INTS9: variants seen among roughly 807,000 people sequenced by gnomAD.
INTS9 encodes the protein integrator complex subunit 9.
A neutral mutation model predicts 79.7 loss-of-function variants in INTS9; 55 were observed. The ratio of observed to expected loss-of-function variants is 0.69; its 90% CI spans 0.56 to 0.86. The LOEUF is 0.86. INTS9 is among the 40% of genes least tolerant of loss of function. The pLI, the probability that INTS9 is intolerant of heterozygous loss-of-function variation, is 0.00. For synonymous variants in INTS9, 319 were observed against 325.2 expected, an observed-to-expected ratio of 0.98 and a Z score of 0.20; for missense variants, 721 against 831.5, an observed-to-expected ratio of 0.87 and a Z score of 1.64.
chr8:28,829,464 T>G (rs1324587188), intron 6 of INTS9, among the ~76,000 whole-genome samples: 1 of 151,560 alleles, frequency 6.6e-6, no homozygotes, highest in African/African-American at 2.4e-5. Context: ...GGAGTAATAG[T>G]TTTTTTTTGG....
intron 12 of INTS9, among the ~76,000 whole-genome samples, chr8:28,778,428 C>G (rs1239791586): frequency 1.3e-5 from 2 of 152,198 alleles, no homozygotes; most frequent in Non-Finnish European, 2.9e-5. Flanking sequence ...ACTGACTTCA[C>G]AGTGGAGAGG....
chr8:28,829,995 T>C (rs1034401720), intron 6 of INTS9, among the ~76,000 whole-genome samples: 7 of 151,788 alleles, frequency 4.6e-5, no homozygotes, highest in East Asian at 1.9e-4. Flanking sequence ...CCTGTAGGCA[T>C]TGTAGACCTG....
chr8:28,827,962 G>C (rs1995898), intron 6 of INTS9, among the ~76,000 whole-genome samples: 132,854 of 152,114 alleles, frequency 0.87, 58,072 homozygotes, highest in East Asian at 0.93. Context: ...GGAGTCTGGT[G>C]AGCATGAATC....
At position 28,850,206 on chromosome 8, in the gene INTS9, A is replaced by G; in HGVS notation, c.198+7T>C. On this transcript the variant is annotated splice_region_variant and intron_variant, in intron 3 of 16. Transcript: ENST00000521022. The stretch of plus-strand genomic sequence containing the variant: ...GATAGGCTTTAGTTTGTAGTCTTAG[A>G]TATTACCTTGTCCAAGAAAGCATTT... The G allele has an allele frequency of 6.2e-7, 1 of 1,611,832 alleles. No homozygotes were observed. The highest frequency in any genetic ancestry group is 8.5e-7 in the Non-Finnish European group (1 of 1,178,000).
At chr8:28,831,698 G>T (rs1173871513) in intron 6 of INTS9, among the ~76,000 whole-genome samples, 1 of 152,026 alleles carries the variant, frequency 6.6e-6, no homozygotes, top group Non-Finnish European at 1.5e-5. Flanking sequence ...TGGGAGTCAG[G>T]AAATATTGCC....
At chr8:28,803,713 C>T (rs1162020073) in intron 8 of INTS9, among the ~76,000 whole-genome samples, 1 of 152,048 alleles carries the variant, frequency 6.6e-6, no homozygotes, top group Non-Finnish European at 1.5e-5. Flanking sequence ...AAGCAGGCTG[C>T]AAATAGCTCT....
chr8:28,772,382 C>T (rs549410941), intron 14 of INTS9, among the ~76,000 whole-genome samples: 1 of 152,254 alleles, frequency 6.6e-6, no homozygotes, highest in Non-Finnish European at 1.5e-5. Flanking sequence ...GGATTGGTGG[C>T]ATGTGCCTAT....
At chr8:28,768,661 G>C (rs956015365) in intron 16 of INTS9, among the ~76,000 whole-genome samples, 1 of 152,224 alleles carries the variant, frequency 6.6e-6, no homozygotes, top group South Asian at 2.1e-4. Flanking sequence ...AGTTTCAGCT[G>C]TCTGAGCTCC....
intron 1 of INTS9, chr8:28,862,303 A>G (rs1425564700): frequency 1.2e-6 from 1 of 868,388 alleles, no homozygotes; most frequent in East Asian, 1.2e-4. Flanking sequence ...ATCTTTTTTC[A>G]TATTTGTAAA....
chr8:28,864,953 T>C (rs1419714965), intron 1 of INTS9, among the ~76,000 whole-genome samples: 7 of 135,072 alleles, frequency 5.2e-5, no homozygotes, highest in Admixed American at 8.3e-5. Context: ...ACCACTGCAC[T>C]CCCTCCTCAG....
rs188327686 is a variant in INTS9 at position 28,824,223 on chromosome 8, C to T, written c.489-10611G>A. ...TCATCCTTGCCTACAGGCTGGCCTT[C>T]CCTCCCAGAAGGGCCTCAACAATAC... On this transcript the variant is annotated intron_variant, in intron 6 of 16. Coordinates refer to ENST00000521022, the MANE Select transcript of INTS9 (RefSeq NM_018250.4). Among the ~76,000 whole-genome samples the T allele has an allele frequency of 3.3e-5, 5 of 152,312 alleles. No homozygotes were observed. In the East Asian group the frequency reaches 9.6e-4, roughly 29 times the overall value.
intron 1 of INTS9, among the ~76,000 whole-genome samples, chr8:28,868,278 T>G (rs948947332): frequency 1.3e-5 from 2 of 152,226 alleles, no homozygotes; most frequent in African/African-American, 4.8e-5. Flanking sequence ...AATTTTCTTT[T>G]GTTGGTTTTC....
rs546497673 is a variant in INTS9, at chr8:28,874,434, C to A, written c.10-14871G>T. Among the ~76,000 whole-genome samples the A allele has an allele frequency of 1.4e-4, 22 of 152,076 alleles. No homozygotes were observed. The East Asian group carries it at 3.7e-3, about 25-fold the overall frequency. On this transcript the variant is annotated intron_variant, in intron 1 of 16. Coordinates refer to ENST00000521022, the MANE Select transcript of INTS9 (RefSeq NM_018250.4). The stretch of plus-strand genomic sequence containing the variant: ...CCTCCCGAGTAGCTGAGACTACAGG[C>A]ACCTGCCACCATGCCCGGCTAATTT...
At chr8:28,862,394 T>G (rs773951656) in intron 1 of INTS9, 1 of 202,782 alleles carries the variant, frequency 4.9e-6, no homozygotes, top group Non-Finnish European at 8.7e-6. Flanking sequence ...TACATGACAC[T>G]TAATTTTTAT....
intron 16 of INTS9, 178 bp downstream of exon 16, chr8:28,769,711 C>A: frequency 1.3e-6 from 1 of 744,734 alleles, no homozygotes; most frequent in South Asian, 1.9e-5. Flanking sequence ...GGGCACTCCT[C>A]ACTCTGCTTT....
chr8:28,884,003 A>T (rs1810034275), intron 1 of INTS9, among the ~76,000 whole-genome samples: 1 of 152,118 alleles, frequency 6.6e-6, no homozygotes. Context: ...CTCAGAGCAA[A>T]CCAGTCACAA....
intron 1 of INTS9, among the ~76,000 whole-genome samples, chr8:28,866,278 T>C (rs1361277322): frequency 6.6e-6 from 1 of 152,216 alleles, no homozygotes; most frequent in Non-Finnish European, 1.5e-5. Context: ...TCAGATCCTT[T>C]AACAATTTGC....
At chr8:28,777,125 T>A (rs1459273150) in intron 13 of INTS9, among the ~76,000 whole-genome samples, 1 of 152,128 alleles carries the variant, frequency 6.6e-6, no homozygotes, top group Admixed American at 6.5e-5. Context: ...AGGGCCTCTC[T>A]CATCCTGAGG....
chr8:28,837,966 C>T (rs75721563), intron 4 of INTS9, among the ~76,000 whole-genome samples, 190 bp from the exon 5 acceptor site: 1,720 of 152,154 alleles, frequency 0.011, 28 homozygotes, highest in African/African-American at 0.039. Flanking sequence ...CAGGACAGGA[C>T]GGCCAGCAGT....
Sources: gnomAD v4.1 joint callset for allele counts (sites outside exome capture counted in the v4.1 genomes callset) on GRCh38, gnomAD v4.1.1 for gene constraint, MANE v1.5 for transcripts, NCBI Gene and HGNC (gene_info 2026-07-23, HGNC 2026-07-21) for gene names.